PKD1L3: variants seen among roughly 807,000 people sequenced by gnomAD.
PKD1L3 encodes polycystin-1-like protein 3.
In PKD1L3, 239 loss-of-function variants were observed where a neutral mutation model predicts 184.1. The observed-to-expected ratio is 1.30, with a 90% CI of 1.17 to 1.45. The LOEUF (loss-of-function observed/expected upper bound fraction) is 1.45. PKD1L3 is among the 40% of genes most tolerant of loss of function. The pLI, the probability that PKD1L3 is intolerant of heterozygous loss-of-function variation, is 0.00. For synonymous variants in PKD1L3, 996 were observed against 778.8 expected (o/e 1.28, Z -4.64); for missense variants, 2,660 against 2,067.2 (o/e 1.29, Z -5.56).
At chr16:71,975,708 A>G (rs1452897899) in intron 11 of PKD1L3, among the ~76,000 whole-genome samples, 1 of 152,198 alleles carries the variant, frequency 6.6e-6, no homozygotes, top group African/African-American at 2.4e-5. Flanking sequence ...GCTTCCTTAC[A>G]TACATATCCT....
chr16:71,996,058 A>C (rs1226092559), intron 2 of PKD1L3, among the ~76,000 whole-genome samples: 1 of 152,082 alleles, frequency 6.6e-6, no homozygotes, highest in Non-Finnish European at 1.5e-5. Context: ...TTTTTTTAAA[A>C]AATGTAACTT....
chr16:71,972,107 T>G (rs896918828), intron 12 of PKD1L3, among the ~76,000 whole-genome samples: 1 of 152,052 alleles, frequency 6.6e-6, no homozygotes, highest in Non-Finnish European at 1.5e-5. Flanking sequence ...TCCTAGCTAC[T>G]TGGGAGGCTG....
intron 22 of PKD1L3, among the ~76,000 whole-genome samples, chr16:71,945,486 C>T (rs2038567779): frequency 6.7e-6 from 1 of 150,306 alleles, no homozygotes; most frequent in African/African-American, 2.4e-5. Context: ...CAAGACCAGC[C>T]TGGCCAATAT....
At chr16:71,997,281 GT>G (rs138963813) in intron 2 of PKD1L3, among the ~76,000 whole-genome samples, 7 of 148,304 alleles carry the variant, frequency 4.7e-5, no homozygotes, top group South Asian at 2.2e-4. Context: ...TATGGTAGTT[GT>G]TTTTTTTTTA....
chr16:71,948,125 A>T (rs532413132), intron 21 of PKD1L3, among the ~76,000 whole-genome samples: 34 of 152,070 alleles, frequency 2.2e-4, no homozygotes, highest in Non-Finnish European at 4.6e-4. Context: ...TCTGTTGCCC[A>T]GGCTGGAGTA....
intron 4 of PKD1L3, among the ~76,000 whole-genome samples, chr16:71,987,755 C>T (rs765800036): frequency 5.9e-5 from 9 of 152,166 alleles, no homozygotes; most frequent in Admixed American, 2.0e-4. Context: ...CCTCCTGCCT[C>T]GGAGTCCCAG....
In PKD1L3 at chr16:71,971,288, T is replaced by C. The variant is rs754947030; in HGVS notation, c.1954-1183A>G. Reference sequence around the variant, plus strand: ...TGCATTCAATGTTTTTTATTATTCTTTATGGCTTTCCATATGTTGGAACAT... The same window carrying C: ...TGCATTCAATGTTTTTTATTATTCTCTATGGCTTTCCATATGTTGGAACAT... On this transcript the variant is annotated intron_variant, in intron 12 of 29. Transcript: ENST00000620267. Among the ~76,000 whole-genome samples the C allele has an allele frequency of 2.1e-4, 32 of 152,236 alleles. 1 individual carries two copies. Among genetic ancestry groups the C allele is most frequent in the South Asian group, 8.3e-4 (4 of 4,832 alleles).
Position 71,986,250 on chromosome 16 carries a change from G to A in PKD1L3, c.805C>T (p.Gln269Ter), listed in dbSNP as rs188949824. 58 of 1,552,350 alleles carry A rather than the reference G, an allele frequency of 3.7e-5. No homozygotes were observed. Among genetic ancestry groups the A allele is most frequent in the Middle Eastern group, 3.3e-4 (2 of 5,998 alleles). The change falls in exon 5 of 30, where the codon CAA becomes TAA. Residue 269 changes from glutamine (Q) to a stop codon, truncating the protein, a stop_gained. Coordinates refer to ENST00000620267, the MANE Select transcript of PKD1L3 (RefSeq NM_181536.2). LOFTEE classifies it high-confidence loss of function. ...GHPNTFTSYLQVSLQKASGQV... is the reference protein window; with the variant it reads ...GHPNTFTSYL ...CCAGATGCCTTCTGCAATGACACTT[G>A]TAGATAAGAGGTGAAGGTATTCGGA...
chr16:71,977,182 C>T (rs562863104), intron 11 of PKD1L3, 54 bp downstream of exon 11: 2 of 1,345,904 alleles, frequency 1.5e-6, no homozygotes, highest in African/African-American at 1.5e-5. Context: ...CACTGCACTA[C>T]ATCCTAGGCA....
At chr16:71,996,496 G>A (rs1048130208) in intron 2 of PKD1L3, among the ~76,000 whole-genome samples, 8 of 152,042 alleles carry the variant, frequency 5.3e-5, no homozygotes, top group Admixed American at 1.3e-4. Flanking sequence ...TCTTTACCTC[G>A]TGATCCACCC....
Position 71,970,020 on chromosome 16 carries a change from C to T in PKD1L3, c.2039G>A (p.Arg680Lys), listed in dbSNP as rs1258922754. 6.4e-7 allele frequency: 1 copy of T among 1,551,662 alleles called. No individual in the cohort carries two copies. The change falls in exon 13 of 30, where the codon AGG (arginine) becomes AAG (lysine). Residue 680 changes from arginine to lysine, a missense_variant. Transcript: ENST00000620267. Reference sequence around the variant, plus strand: ...GATCGTGTCTTCAACATTCACGGTCCTGGGCACGACAAAGAAGTCGCTGGC... The same window carrying T: ...GATCGTGTCTTCAACATTCACGGTCTTGGGCACGACAAAGAAGTCGCTGGC... ...FFASDFFVVP[R>K]TVNVEDTIKL... is the part of the protein sequence containing the mutation.
chr16:71,967,473 T>C (rs2039546279), intron 14 of PKD1L3, among the ~76,000 whole-genome samples, 158 bp from the exon 15 acceptor site: 1 of 152,232 alleles, frequency 6.6e-6, no homozygotes, highest in African/African-American at 2.4e-5. Flanking sequence ...AGTATAGATA[T>C]ATTTTTTCTG....
chr16:71,954,407 C>T (rs2038969392), intron 16 of PKD1L3, 106 bp from the exon 17 acceptor site: 3 of 738,366 alleles, frequency 4.1e-6, no homozygotes, highest in Admixed American at 6.4e-5. Context: ...ACTCCCAAGC[C>T]TCTATTCAAC....
intron 16 of PKD1L3, 87 bp from the exon 17 acceptor site, chr16:71,954,388 G>A (rs1424835524): frequency 4.8e-6 from 5 of 1,041,278 alleles, no homozygotes; most frequent in African/African-American, 3.3e-5. Flanking sequence ...AGCAACAAGC[G>A]ACATAGCAAC....
intron 7 of PKD1L3, among the ~76,000 whole-genome samples, chr16:71,980,967 G>A (rs7191900): frequency 0.78 from 118,391 of 152,170 alleles, 46,322 homozygotes; most frequent in South Asian, 0.86. Flanking sequence ...TTTCATATAA[G>A]TGAATCACAA....
intron 24 of PKD1L3, among the ~76,000 whole-genome samples, chr16:71,941,314 G>T (rs1296321486): frequency 6.6e-6 from 1 of 151,072 alleles, no homozygotes; most frequent in Non-Finnish European, 1.5e-5. Flanking sequence ...AAGAGACTAT[G>T]AAAAAAACAA....
At chr16:71,953,192 T>TAGAGATAA in intron 17 of PKD1L3, 99 bp from the exon 18 acceptor site, 8 of 974,584 alleles carry the variant, frequency 8.2e-6, no homozygotes, top group Non-Finnish European at 1.2e-5. Flanking sequence ...GGAAGTTAAC[T>TAGAGATAA]ACGTTTATCT....
At position 71,970,036 on chromosome 16, in the gene PKD1L3, A is replaced by C. The variant is rs530600036; in HGVS notation, c.2023T>G (p.Phe675Val). 9.7e-6 allele frequency: 15 copies of C among 1,551,694 alleles called. No individual in the cohort carries two copies. In the East Asian group the frequency reaches 2.7e-4, roughly 28 times the overall value. The part of the protein sequence containing the change: ...CNHLTFFASD[F>V]FVVPRTVNVE... ...TTCACGGTCCTGGGCACGACAAAGA[A>C]GTCGCTGGCAAAGAAGGTCAGGTGG... The change falls in exon 13 of 30, where the codon TTC (phenylalanine) becomes GTC (valine). Residue 675 changes from phenylalanine (F) to valine (V), a missense_variant. Coordinates refer to ENST00000620267, the MANE Select transcript of PKD1L3 (RefSeq NM_181536.2).
chr16:71,931,194 C>T (rs1228897110), intron 28 of PKD1L3: 1 of 152,038 alleles, frequency 6.6e-6, no homozygotes, highest in Non-Finnish European at 1.5e-5. Context: ...GAGGTGTCAG[C>T]AAAAATTTGT....
Sources: gnomAD v4.1 joint callset for allele counts (sites outside exome capture counted in the v4.1 genomes callset) on GRCh38, gnomAD v4.1.1 for gene constraint, MANE v1.5 for transcripts, NCBI Gene and HGNC (gene_info 2026-07-23, HGNC 2026-07-21) for gene names.